Variants in TIGAR observed in about 807,000 individuals in gnomAD.
TIGAR encodes fructose-2,6-bisphosphatase TIGAR.
Under a neutral mutation model 17.9 loss-of-function variants are expected in TIGAR, and 7 were observed. That is an observed-to-expected ratio of 0.39 (90% CI 0.22 to 0.73). The LOEUF (loss-of-function observed/expected upper bound fraction) is 0.73. Among genes scored for constraint, TIGAR ranks in the 30% least tolerant of loss-of-function variants. The probability of loss-of-function intolerance (pLI) is 0.42; values close to 1 mark genes in which losing one functional copy is unlikely to be tolerated. For synonymous variants in TIGAR, 94 were observed against 108.6 expected (o/e 0.87, Z 0.84); for missense variants, 258 against 327.4 (o/e 0.79, Z 1.64).
intron 2 of TIGAR, among the ~76,000 whole-genome samples, chr12:4,333,891 C>T (rs894563262): frequency 5.3e-5 from 8 of 152,236 alleles, no homozygotes; most frequent in East Asian, 1.9e-4. Context: ...TGAGCCACCA[C>T]GCTTGGCCTA....
intron 3 of TIGAR, among the ~76,000 whole-genome samples, chr12:4,341,938 G>A (rs557893756): frequency 1.3e-5 from 2 of 152,284 alleles, no homozygotes; most frequent in East Asian, 3.9e-4. Context: ...AGACTTCTCT[G>A]AGCTAAAGGA....
intron 1 of TIGAR, among the ~76,000 whole-genome samples, chr12:4,323,496 A>G (rs948353131): frequency 6.6e-6 from 1 of 152,214 alleles, no homozygotes; most frequent in African/African-American, 2.4e-5. Context: ...GCACTGTTGT[A>G]ATTAAAATCT....
chr12:4,343,722 T>G (rs1036574425), intron 3 of TIGAR, among the ~76,000 whole-genome samples: 4 of 152,140 alleles, frequency 2.6e-5, no homozygotes, highest in African/African-American at 9.7e-5. Context: ...TGGGACACAT[T>G]TAAAGCAGTG....
At chr12:4,336,358 C>G (rs1043778233) in intron 2 of TIGAR, among the ~76,000 whole-genome samples, 4 of 151,688 alleles carry the variant, frequency 2.6e-5, no homozygotes, top group African/African-American at 7.3e-5. Context: ...TTTTTCATGT[C>G]GGTATTCACA....
In TIGAR at chr12:4,355,841, G is replaced by T. The variant is rs1864894799; in HGVS notation, c.*3150G>T. On this transcript the variant is annotated 3_prime_UTR_variant, in exon 6 of 6. Coordinates refer to ENST00000179259, the MANE Select transcript of TIGAR (RefSeq NM_020375.3). ...CAGGATGGGCAGGGAGGACTCGATGGTGTCAGCACTGAAGGATGTAAGATC... is the reference window on the plus strand; with the variant it reads ...CAGGATGGGCAGGGAGGACTCGATGTTGTCAGCACTGAAGGATGTAAGATC... Among the ~76,000 whole-genome samples the T allele has an allele frequency of 6.6e-6, 1 of 152,190 alleles. No homozygotes were observed. Among genetic ancestry groups the T allele is most frequent in the South Asian group, 2.1e-4 (1 of 4,838 alleles).
chr12:4,358,446 A>G lies in TIGAR; in HGVS notation c.*5755A>G, dbSNP rs907156657. Reference sequence around the variant, plus strand: ...AGAACAGTAGAAGGAATGGCTGTATACTCTTCACACTTATTCACCACTTGC... The same window carrying G: ...AGAACAGTAGAAGGAATGGCTGTATGCTCTTCACACTTATTCACCACTTGC... On this transcript the variant is annotated 3_prime_UTR_variant, in exon 6 of 6. Coordinates refer to ENST00000179259, the MANE Select transcript of TIGAR (RefSeq NM_020375.3). Among the ~76,000 whole-genome samples, 1 of 152,036 alleles carries G rather than the reference A, an allele frequency of 6.6e-6. No individual in the cohort carries two copies. The highest frequency in any genetic ancestry group is 1.5e-5 in the Non-Finnish European group (1 of 68,014).
At chr12:4,326,169 G>A (rs1193578587) in intron 1 of TIGAR, among the ~76,000 whole-genome samples, 1 of 152,188 alleles carries the variant, frequency 6.6e-6, no homozygotes, top group Non-Finnish European at 1.5e-5. Context: ...TGCAGAGTCA[G>A]GTTTCTGTTT....
rs990339707 is a variant in TIGAR at position 4,356,239 on chromosome 12, A to G, written c.*3548A>G. On this transcript the variant is annotated 3_prime_UTR_variant, in exon 6 of 6. Transcript: ENST00000179259. ...CAGGGACCAGGCCAGAGTGCCTCCA[A>G]TGGCTAACTAAGGAGCCTGGACATT... Among the ~76,000 whole-genome samples the G allele has an allele frequency of 7.9e-5, 12 of 152,200 alleles. No individual in the cohort carries two copies. Among genetic ancestry groups the G allele is most frequent in the African/African-American group, 2.7e-4 (11 of 41,444 alleles).
chr12:4,332,668 G>A (rs1237169325), intron 2 of TIGAR, among the ~76,000 whole-genome samples: 1 of 152,166 alleles, frequency 6.6e-6, no homozygotes, highest in Non-Finnish European at 1.5e-5. Context: ...CATTATAAAT[G>A]CTTTTGTGTT....
intron 3 of TIGAR, among the ~76,000 whole-genome samples, chr12:4,342,386 TGC>T (rs1864733167): frequency 6.6e-6 from 1 of 151,674 alleles, no homozygotes; most frequent in South Asian, 2.1e-4. Context: ...ATACAGAGAA[TGC>T]CACAAAGATA....
intron 1 of TIGAR, among the ~76,000 whole-genome samples, chr12:4,327,114 A>G (rs1864553699): frequency 6.6e-6 from 1 of 152,196 alleles, no homozygotes; most frequent in East Asian, 1.9e-4. Flanking sequence ...TAGACAGAGA[A>G]AGGAAGTGAC....
intron 3 of TIGAR, among the ~76,000 whole-genome samples, chr12:4,341,885 A>C (rs113301963): frequency 0.018 from 2,780 of 152,352 alleles, 72 homozygotes; most frequent in African/African-American, 0.063. Context: ...AGCTGGACGG[A>C]GAATGACTTT....
chr12:4,324,323 CTTTTTT>C (rs34096957), intron 1 of TIGAR: 8 of 628,006 alleles, frequency 1.3e-5, no homozygotes, highest in African/African-American at 4.0e-5. Flanking sequence ...ATTTAACTTC[CTTTTTT>C]TTTTTTTTTT....
chr12:4,340,921 CA>C (rs1864712710), intron 3 of TIGAR, among the ~76,000 whole-genome samples: 1 of 152,160 alleles, frequency 6.6e-6, no homozygotes, highest in Non-Finnish European at 1.5e-5. Context: ...TCTAAGACCT[CA>C]AACTATGAAA....
In TIGAR at chr12:4,352,562, A is replaced by G; in HGVS notation, c.684A>G (p.Ser228=). 3 of 1,614,024 alleles carry G rather than the reference A, an allele frequency of 1.9e-6. No homozygotes were observed. Among genetic ancestry groups the G allele is most frequent in the Non-Finnish European group, 2.5e-6 (3 of 1,180,034 alleles). The change falls in exon 6 of 6, where the codon TCA becomes TCG. Residue 228 remains serine (S), a synonymous_variant. Transcript: ENST00000179259. ...PATLSRSELM[S]VTPNTGMSLF... ...CTCTGAGCAGATCTGAACTTATGTC[A>G]GTCACTCCCAATACAGGGATGAGTC...
chr12:4,338,285 T>C (rs1215480029), intron 3 of TIGAR, among the ~76,000 whole-genome samples: 2 of 152,180 alleles, frequency 1.3e-5, no homozygotes, highest in African/African-American at 4.8e-5. Flanking sequence ...AACCACTGTT[T>C]TCAGATATTA....
chr12:4,340,701 T>A (rs1384249367), intron 3 of TIGAR, among the ~76,000 whole-genome samples: 1 of 152,150 alleles, frequency 6.6e-6, no homozygotes, highest in African/African-American at 2.4e-5. Flanking sequence ...AACAGACACA[T>A]AGACCAATAG....
intron 3 of TIGAR, among the ~76,000 whole-genome samples, chr12:4,343,078 G>A (rs1043821394): frequency 1.3e-5 from 2 of 152,150 alleles, no homozygotes; most frequent in Non-Finnish European, 1.5e-5. Context: ...AAAGGCAGGG[G>A]TTGCAGTTCT....
chr12:4,340,103 C>T (rs144559660), intron 3 of TIGAR, among the ~76,000 whole-genome samples: 16 of 152,186 alleles, frequency 1.1e-4, no homozygotes, highest in Middle Eastern at 6.8e-3. Flanking sequence ...ACATTTAAAT[C>T]GGAAAGGAAG....
Sources: gnomAD v4.1 joint callset for allele counts (sites outside exome capture counted in the v4.1 genomes callset) on GRCh38, gnomAD v4.1.1 for gene constraint, MANE v1.5 for transcripts, NCBI Gene and HGNC (gene_info 2026-07-23, HGNC 2026-07-21) for gene names.